CHST8: variants seen among roughly 807,000 people sequenced by gnomAD.
CHST8 encodes GALNAC-4-ST1.
A neutral mutation model predicts 15.0 loss-of-function variants in CHST8; 10 were observed. That is an observed-to-expected ratio of 0.67 (90% CI 0.41 to 1.13). CHST8 has a LOEUF of 1.13. Among genes scored for constraint, CHST8 ranks in the 50% most tolerant of loss-of-function variants. CHST8 has a pLI of 0.00. For missense variants in CHST8, 634 were observed against 608.2 expected (o/e 1.04, Z -0.45); for synonymous variants, 259 against 256.6 (o/e 1.01, Z -0.09).
intron 1 of CHST8, among the ~76,000 whole-genome samples, chr19:33,657,716 A>G (rs563111042): frequency 6.6e-6 from 1 of 152,138 alleles, no homozygotes; most frequent in African/African-American, 2.4e-5. Context: ...ATACAGGCAC[A>G]CACCACCATA....
At chr19:33,735,686 G>T (rs1425351199) in intron 3 of CHST8, among the ~76,000 whole-genome samples, 1 of 152,184 alleles carries the variant, frequency 6.6e-6, no homozygotes, top group Non-Finnish European at 1.5e-5. Context: ...AATTAGCCGG[G>T]CGTGCTGGTG....
At chr19:33,725,671 C>T (rs1404924052) in intron 3 of CHST8, among the ~76,000 whole-genome samples, 3 of 152,240 alleles carry the variant, frequency 2.0e-5, no homozygotes, top group African/African-American at 7.2e-5. Context: ...ACCACTGGGA[C>T]TCTGGGGGTC....
At chr19:33,711,980 G>A (rs1397617637) in intron 3 of CHST8, among the ~76,000 whole-genome samples, 2 of 152,330 alleles carry the variant, frequency 1.3e-5, no homozygotes, top group South Asian at 2.1e-4. Context: ...AGTGTGTAAG[G>A]ACAGCGACAA....
At chr19:33,692,160 T>TTA (rs397745892) in intron 3 of CHST8, among the ~76,000 whole-genome samples, 1 of 151,132 alleles carries the variant, frequency 6.6e-6, no homozygotes, top group Non-Finnish European at 1.5e-5. Flanking sequence ...ATTTTTTTTT[T>TTA]ACTACAGTCC....
chr19:33,728,598 G>A (rs1414743360), intron 3 of CHST8, among the ~76,000 whole-genome samples: 1 of 152,218 alleles, frequency 6.6e-6, no homozygotes, highest in Middle Eastern at 3.2e-3. Context: ...TGATATTTGG[G>A]TGTGGTTCGA....
chr19:33,647,333 A>G (rs1972367392), intron 1 of CHST8, among the ~76,000 whole-genome samples: 1 of 152,188 alleles, frequency 6.6e-6, no homozygotes, highest in South Asian at 2.1e-4. Flanking sequence ...AAAGTGCACC[A>G]CAGAGGAATG....
chr19:33,665,710 G>T (rs116055253), intron 1 of CHST8, among the ~76,000 whole-genome samples: 2,125 of 152,202 alleles, frequency 0.014, 38 homozygotes, highest in African/African-American at 0.047. Context: ...GGCTGGGGCC[G>T]CAGAACCCAG....
intron 3 of CHST8, among the ~76,000 whole-genome samples, chr19:33,694,220 A>G (rs1402753201): frequency 2.2e-5 from 2 of 91,996 alleles, no homozygotes; most frequent in Non-Finnish European, 4.2e-5. Context: ...ATATATATAT[A>G]ATGTTACCAT....
At chr19:33,668,413 G>A (rs558305550) in intron 2 of CHST8, among the ~76,000 whole-genome samples, 35 of 152,252 alleles carry the variant, frequency 2.3e-4, no homozygotes, top group Middle Eastern at 6.8e-3. Context: ...CTTGTCCAAA[G>A]ATGTGTCAAA....
In CHST8 at chr19:33,772,808, C is replaced by T; in HGVS notation, c.1020C>T (p.Ile340=). Residue 340 remains isoleucine (I), a synonymous_variant, in exon 5 of 5, where the codon ATC becomes ATT. Coordinates refer to ENST00000650847, the MANE Select transcript of CHST8 (RefSeq NM_001127895.2). ...GCCGGCTCTGCAGCCCCTGCCTCAT[C>T]GACTACGATTTCGTAGGCAAGTTCG... is the stretch of plus-strand genomic sequence containing the variant. ...HVSRLCSPCL[I]DYDFVGKFES... is the part of the protein sequence containing the mutation. The T allele has an allele frequency of 1.2e-6, 2 of 1,613,572 alleles. No individual in the cohort carries two copies. Among genetic ancestry groups the T allele is most frequent in the Non-Finnish European group, 1.7e-6 (2 of 1,180,036 alleles).
chr19:33,753,610 T>C (rs1188997486), intron 3 of CHST8, among the ~76,000 whole-genome samples: 1 of 3,020 alleles, frequency 3.3e-4, no homozygotes, highest in South Asian at 0.028. Flanking sequence ...CCCACCAACC[T>C]CCCACCATCT....
intron 3 of CHST8, among the ~76,000 whole-genome samples, chr19:33,746,308 T>C (rs954956357): frequency 1.3e-5 from 2 of 152,138 alleles, no homozygotes; most frequent in African/African-American, 4.8e-5. Context: ...ACGTGAAACA[T>C]TTCCCCCACC....
At position 33,683,553 on chromosome 19, in the gene CHST8, G is replaced by A. The variant is rs998990684; in HGVS notation, c.-86-5623G>A. On this transcript the variant is annotated intron_variant, in intron 2 of 4. Coordinates refer to ENST00000650847, the MANE Select transcript of CHST8 (RefSeq NM_001127895.2). ...ACTCTTTGGACCTGATTCCAAGGCA[G>A]CTCTGAGGAAAACAAACCCTCAGCT... is the stretch of plus-strand genomic sequence containing the variant. Among the ~76,000 whole-genome samples the A allele has an allele frequency of 2.0e-4, 31 of 152,270 alleles. 1 individual carries two copies. The highest frequency in any genetic ancestry group is 7.2e-4 in the African/African-American group (30 of 41,560).
intron 3 of CHST8, among the ~76,000 whole-genome samples, chr19:33,741,315 G>A (rs1325802853): frequency 1.3e-5 from 2 of 148,900 alleles, no homozygotes; most frequent in Non-Finnish European, 3.0e-5. Context: ...AGCAGACTGA[G>A]GCAGCGATTT....
chr19:33,669,951 C>T (rs1009774141), intron 2 of CHST8, among the ~76,000 whole-genome samples: 4 of 152,018 alleles, frequency 2.6e-5, no homozygotes, highest in African/African-American at 4.8e-5. Flanking sequence ...CTAAGTGAGC[C>T]GAATTGGAAA....
At chr19:33,760,461 G>C (rs1389344982) in intron 3 of CHST8, among the ~76,000 whole-genome samples, 2 of 151,268 alleles carry the variant, frequency 1.3e-5, no homozygotes, top group Non-Finnish European at 2.9e-5. Context: ...GGGACTACAG[G>C]TGCCCATCAC....
chr19:33,683,713 C>G (rs777718273), intron 2 of CHST8, among the ~76,000 whole-genome samples: 1 of 152,194 alleles, frequency 6.6e-6, no homozygotes. Flanking sequence ...TTCCCTGTGC[C>G]GGGGACTGTG....
At position 33,701,648 on chromosome 19, in the gene CHST8, C is replaced by T. The variant is rs76852997; in HGVS notation, c.130+12257C>T. Among the ~76,000 whole-genome samples the T allele has an allele frequency of 4.1e-4, 60 of 147,528 alleles. 1 individual carries two copies. The East Asian group carries it at 0.011, about 26-fold the overall frequency. ...CTAATGAAGTCATGGACAAAAGTGG[C>T]TTTGAAAACCGCAGAGCTCCAACGC... On this transcript the variant is annotated intron_variant, in intron 3 of 4. Transcript: ENST00000650847.
chr19:33,759,118 CA>C (rs1974665437), intron 3 of CHST8, among the ~76,000 whole-genome samples: 1 of 152,156 alleles, frequency 6.6e-6, no homozygotes, highest in East Asian at 1.9e-4. Flanking sequence ...CCCCATGAGC[CA>C]AACACCCCCC....
Sources: allele counts gnomAD v4.1 joint callset (sites outside exome capture counted in the v4.1 genomes callset), GRCh38; gene constraint gnomAD v4.1.1; transcripts MANE v1.5; gene names NCBI Gene and HGNC (gene_info 2026-07-23, HGNC 2026-07-21).